ALKBH8: variants seen among roughly 807,000 people sequenced by gnomAD.
The protein encoded by ALKBH8 is alkB homolog 8, tRNA methyltransferase.
ALKBH8 carries 36 observed loss-of-function variants against 59.8 expected under a neutral mutation model. That is an observed-to-expected ratio of 0.60 (90% CI 0.46 to 0.79). The LOEUF (loss-of-function observed/expected upper bound fraction) is 0.79, where lower values mean the gene tolerates loss of function less well. Among genes scored for constraint, ALKBH8 ranks in the 30% least tolerant of loss-of-function variants. The probability of loss-of-function intolerance (pLI) is 0.00; values close to 1 mark genes in which losing one functional copy is unlikely to be tolerated. For synonymous variants in ALKBH8, 276 were observed against 273.6 expected, an observed-to-expected ratio of 1.01 and a Z score of -0.09; for missense variants, 768 against 801.0, an observed-to-expected ratio of 0.96 and a Z score of 0.50.
At chr11:107,546,280 T>C (rs978821085) in intron 7 of ALKBH8, among the ~76,000 whole-genome samples, 1 of 152,218 alleles carries the variant, frequency 6.6e-6, no homozygotes, top group African/African-American at 2.4e-5. Context: ...CGGTACTTGA[T>C]GAACTGAGTT....
At chr11:107,533,996 G>A (rs1274019939) in intron 7 of ALKBH8, among the ~76,000 whole-genome samples, 1 of 152,054 alleles carries the variant, frequency 6.6e-6, no homozygotes, top group Non-Finnish European at 1.5e-5. Flanking sequence ...CGGGCATAGT[G>A]GTGGGCACCT....
At chr11:107,550,004 T>C (rs894910404) in intron 6 of ALKBH8, among the ~76,000 whole-genome samples, 181 bp from the exon 7 acceptor site, 3 of 152,208 alleles carry the variant, frequency 2.0e-5, no homozygotes, top group Non-Finnish European at 4.4e-5. Context: ...TAAAATAAAC[T>C]AAAAATATCT....
chr11:107,507,134 C>T (rs1231512808), intron 11 of ALKBH8, among the ~76,000 whole-genome samples: 1 of 152,054 alleles, frequency 6.6e-6, no homozygotes, highest in Non-Finnish European at 1.5e-5. Context: ...TAATTATAAA[C>T]TACATTATGG....
At chr11:107,514,596 T>C (rs1862781115) in intron 10 of ALKBH8, among the ~76,000 whole-genome samples, 2 of 152,184 alleles carry the variant, frequency 1.3e-5, no homozygotes, top group South Asian at 2.1e-4. Flanking sequence ...CATGCCTGGA[T>C]TCTTACTTAT....
At position 107,535,339 on chromosome 11, in the gene ALKBH8, C is replaced by T. The variant is rs113760015; in HGVS notation, c.772-2933G>A. Among the ~76,000 whole-genome samples the T allele has an allele frequency of 3.3e-3, 510 of 152,270 alleles. 2 individuals are homozygous for T. Among genetic ancestry groups the T allele is most frequent in the African/African-American group, 0.012 (496 of 41,558 alleles). On this transcript the variant is annotated intron_variant, in intron 7 of 11. Transcript: ENST00000428149. ...TTCAAGGAATCTCCACATTGTTTTC[C>T]AAAGTGGTTGTACTACTTTACATTC...
Position 107,504,269 on chromosome 11 carries a change from T to C in ALKBH8, c.*389A>G. The C allele has an allele frequency of 2.2e-6, 1 of 463,786 alleles. No individual in the cohort carries two copies. Among genetic ancestry groups the C allele is most frequent in the Admixed American group, 3.9e-5 (1 of 25,472 alleles). The allele number at this position is 463,786 out of a possible 1,614,324, so 28.7% of individuals were successfully genotyped here. On this transcript the variant is annotated 3_prime_UTR_variant, in exon 12 of 12. Transcript: ENST00000428149. ...GGTAAAACTTCAGACAATTTTCTAT[T>C]GACCAGGACTATTTTCTGTATTAAC...
chr11:107,555,161 G>A (rs961420438), intron 3 of ALKBH8, among the ~76,000 whole-genome samples: 32 of 152,096 alleles, frequency 2.1e-4, no homozygotes, highest in African/African-American at 7.7e-4. Flanking sequence ...TCGGGAGGCT[G>A]AGGAAGGAGA....
In ALKBH8 at chr11:107,531,113, G is replaced by GAA. The variant is rs113245750; in HGVS notation, c.878+1185_878+1186dup. 3.5e-3 allele frequency among the ~76,000 whole-genome samples: 531 copies of GAA among 149,958 alleles called. 1 individual carries two copies. Among genetic ancestry groups the GAA allele is most frequent in the African/African-American group, 0.011 (451 of 40,954 alleles). ...TAAGTGCAAATATTTTAATGGCCAT[G>GAA]AAAAAAAAATCACATAAATTTAAGC... On this transcript the variant is annotated intron_variant, in intron 8 of 11. Transcript: ENST00000428149.
At chr11:107,554,712 T>A (rs1864633555) in intron 3 of ALKBH8, among the ~76,000 whole-genome samples, 1 of 152,236 alleles carries the variant, frequency 6.6e-6, no homozygotes, top group Non-Finnish European at 1.5e-5. Context: ...TAGATTCTAT[T>A]AATAACATTT....
chr11:107,515,392 G>A (rs1862821754), intron 10 of ALKBH8, among the ~76,000 whole-genome samples: 1 of 152,114 alleles, frequency 6.6e-6, no homozygotes, highest in South Asian at 2.1e-4. Context: ...GTCTCACTCT[G>A]TCACCCAGGC....
At chr11:107,545,218 G>A (rs572990132) in intron 7 of ALKBH8, among the ~76,000 whole-genome samples, 7 of 152,188 alleles carry the variant, frequency 4.6e-5, no homozygotes, top group Non-Finnish European at 8.8e-5. Context: ...TGTTTTAAGT[G>A]GTATAAAGAA....
At chr11:107,542,209 A>C (rs1189976583) in intron 7 of ALKBH8, among the ~76,000 whole-genome samples, 1 of 152,142 alleles carries the variant, frequency 6.6e-6, no homozygotes, top group Admixed American at 6.6e-5. Flanking sequence ...CTACAGATTC[A>C]AGAAACCTGG....
At chr11:107,554,131 C>G (rs1254655413) in intron 3 of ALKBH8, among the ~76,000 whole-genome samples, 153 bp from the exon 4 acceptor site, 2 of 152,182 alleles carry the variant, frequency 1.3e-5, no homozygotes, top group African/African-American at 4.8e-5. Context: ...ATTAAAAGTG[C>G]AGAAACAAAG....
At chr11:107,514,029 C>A (rs7931204) in intron 10 of ALKBH8, among the ~76,000 whole-genome samples, 10 of 151,922 alleles carry the variant, frequency 6.6e-5, no homozygotes, top group Admixed American at 3.3e-4. Flanking sequence ...TGCACATGTA[C>A]GCTTGAACCT....
chr11:107,557,971 G>A (rs893152587), intron 2 of ALKBH8, among the ~76,000 whole-genome samples: 1 of 152,106 alleles, frequency 6.6e-6, no homozygotes, highest in Non-Finnish European at 1.5e-5. Flanking sequence ...TTTATACCAG[G>A]TGTTGATGAC....
chr11:107,547,864 C>A (rs1004082163), intron 7 of ALKBH8, among the ~76,000 whole-genome samples: 2 of 152,058 alleles, frequency 1.3e-5, no homozygotes, highest in African/African-American at 4.8e-5. Flanking sequence ...TCCAGAGACA[C>A]CAAATAGAGA....
At chr11:107,537,189 G>C (rs1863852263) in intron 7 of ALKBH8, among the ~76,000 whole-genome samples, 1 of 152,244 alleles carries the variant, frequency 6.6e-6, no homozygotes, top group Non-Finnish European at 1.5e-5. Context: ...TGTTGGGTTA[G>C]TTTTGTGCAG....
chr11:107,550,039 G>A (rs2135568095), intron 6 of ALKBH8, among the ~76,000 whole-genome samples: 1 of 152,286 alleles, frequency 6.6e-6, no homozygotes, highest in African/African-American at 2.4e-5. Context: ...AGTGCCATTG[G>A]GGTTTGATCT....
chr11:107,520,403 G>A (rs1863059289), intron 10 of ALKBH8, among the ~76,000 whole-genome samples: 2 of 152,108 alleles, frequency 1.3e-5, no homozygotes, highest in Non-Finnish European at 2.9e-5. Context: ...TGTTTATCAA[G>A]AAATCATTCT....
Sources: gnomAD v4.1 joint callset for allele counts (sites outside exome capture counted in the v4.1 genomes callset) on GRCh38, gnomAD v4.1.1 for gene constraint, MANE v1.5 for transcripts, NCBI Gene and HGNC (gene_info 2026-07-23, HGNC 2026-07-21) for gene names.